The following AMPH variants were observed in gnomAD, a reference collection of about 807,000 sequenced individuals.
AMPH encodes amphiphysin (Stiff-Mann syndrome with breast cancer 128kD autoantigen).
AMPH carries 49 observed loss-of-function variants against 99.1 expected under a neutral mutation model. The ratio of observed to expected loss-of-function variants is 0.49; its 90% CI spans 0.39 to 0.63. The LOEUF (loss-of-function observed/expected upper bound fraction) is 0.63. Ranked by LOEUF, AMPH falls within the 20% of genes least tolerant of loss-of-function variation. The pLI, the probability that AMPH is intolerant of heterozygous loss-of-function variation, is 0.00. For missense variants in AMPH, 759 were observed against 863.4 expected (o/e 0.88, Z 1.52); for synonymous variants, 314 against 317.3 (o/e 0.99, Z 0.11).
At chr7:38,547,525 G>A (rs1475761531) in intron 1 of AMPH, among the ~76,000 whole-genome samples, 2 of 152,116 alleles carry the variant, frequency 1.3e-5, no homozygotes, top group African/African-American at 4.8e-5. Flanking sequence ...AGTTGACAAA[G>A]GATAATTATT....
chr7:38,407,013 A>C (rs1785030933), intron 17 of AMPH, among the ~76,000 whole-genome samples: 3 of 44,654 alleles, frequency 6.7e-5, no homozygotes, highest in African/African-American at 1.8e-4. Flanking sequence ...AATTTTCCCT[A>C]ATAGACTCCT....
At chr7:38,398,190 A>AAAAAC (rs1358833136) in intron 17 of AMPH, among the ~76,000 whole-genome samples, 2 of 149,618 alleles carry the variant, frequency 1.3e-5, no homozygotes, top group African/African-American at 5.0e-5. Context: ...CTCAAAAAAA[A>AAAAAC]AAAAACAAAA....
intron 1 of AMPH, among the ~76,000 whole-genome samples, chr7:38,581,318 T>C (rs2129055357): frequency 6.6e-6 from 1 of 152,276 alleles, no homozygotes; most frequent in East Asian, 1.9e-4. Flanking sequence ...GAGAAGCTGA[T>C]ATTTGAATAA....
At chr7:38,444,413 T>C (rs1020164118) in intron 11 of AMPH, among the ~76,000 whole-genome samples, 1 of 152,130 alleles carries the variant, frequency 6.6e-6, no homozygotes, top group African/African-American at 2.4e-5. Flanking sequence ...CCTAATCCAA[T>C]GACTGGTGGC....
At chr7:38,529,719 G>A (rs1052881186) in intron 2 of AMPH, among the ~76,000 whole-genome samples, 4 of 152,150 alleles carry the variant, frequency 2.6e-5, no homozygotes, top group Non-Finnish European at 5.9e-5. Flanking sequence ...CAAGGCAGTG[G>A]CTATCTCACA....
intron 1 of AMPH, among the ~76,000 whole-genome samples, chr7:38,602,295 G>C (rs1011047876): frequency 3.3e-5 from 5 of 152,124 alleles, no homozygotes; most frequent in African/African-American, 1.2e-4. Context: ...TTCTGTGTCT[G>C]TTTCCCATAG....
At position 38,596,589 on chromosome 7, in the gene AMPH, T is replaced by G. The variant is rs562984792; in HGVS notation, c.69+34694A>C. 2.0e-5 allele frequency among the ~76,000 whole-genome samples: 3 copies of G among 152,308 alleles called. No homozygotes were observed. In the South Asian group the frequency reaches 6.2e-4, roughly 32 times the overall value. On this transcript the variant is annotated intron_variant, in intron 1 of 20. Transcript: ENST00000356264. ...GCTTTCATGTTGTAATTCTATAATT[T>G]CATGTTTGCCTGATGCAGTCAAACA... is the stretch of plus-strand genomic sequence containing the variant.
At chr7:38,425,471 C>G (rs1456434292) in intron 15 of AMPH, among the ~76,000 whole-genome samples, 2 of 152,094 alleles carry the variant, frequency 1.3e-5, no homozygotes, top group Non-Finnish European at 2.9e-5. Flanking sequence ...AAATTAGACC[C>G]ACAATTTTTT....
chr7:38,433,507 C>T (rs1786121579), intron 12 of AMPH, among the ~76,000 whole-genome samples: 1 of 151,642 alleles, frequency 6.6e-6, no homozygotes, highest in African/African-American at 2.4e-5. Context: ...GGGCGGATCA[C>T]GAGGTCAGGA....
chr7:38,451,236 TA>T (rs1270202106), intron 11 of AMPH, among the ~76,000 whole-genome samples: 1 of 149,482 alleles, frequency 6.7e-6, no homozygotes, highest in Non-Finnish European at 1.5e-5. Context: ...GAGAGAGAAA[TA>T]ACCTTGCACA....
At chr7:38,534,316 A>G (rs995234741) in intron 2 of AMPH, among the ~76,000 whole-genome samples, 2 of 152,192 alleles carry the variant, frequency 1.3e-5, no homozygotes, top group Admixed American at 1.3e-4. Flanking sequence ...CTGCTTTTCT[A>G]ATGTTCAATG....
chr7:38,493,034 G>C (rs1263018605), intron 4 of AMPH, among the ~76,000 whole-genome samples: 1 of 152,178 alleles, frequency 6.6e-6, no homozygotes, highest in African/African-American at 2.4e-5. Flanking sequence ...GAAAGTTTTT[G>C]AAAGATGTAA....
At chr7:38,461,523 T>C (rs1486616655) in intron 10 of AMPH, 112 bp from the exon 11 acceptor site, 4 of 1,263,592 alleles carry the variant, frequency 3.2e-6, no homozygotes, top group Non-Finnish European at 4.5e-6. Flanking sequence ...TTGAAACTTG[T>C]ATCTGCATAT....
chr7:38,447,375 A>C (rs1237859068), intron 11 of AMPH, among the ~76,000 whole-genome samples: 1 of 152,186 alleles, frequency 6.6e-6, no homozygotes, highest in Non-Finnish European at 1.5e-5. Context: ...AAAATTAGTA[A>C]AAGTGAGTTT....
chr7:38,588,310 A>C (rs1332256731), intron 1 of AMPH, among the ~76,000 whole-genome samples: 1 of 152,044 alleles, frequency 6.6e-6, no homozygotes, highest in African/African-American at 2.4e-5. Flanking sequence ...TCTTATCCCA[A>C]ATAGTATTTT....
intron 1 of AMPH, among the ~76,000 whole-genome samples, chr7:38,563,977 A>AC (rs1791642049): frequency 6.6e-6 from 1 of 152,114 alleles, no homozygotes; most frequent in Non-Finnish European, 1.5e-5. Flanking sequence ...CCATGAATAG[A>AC]CCCCAACTGG....
At chr7:38,593,393 T>C (rs1253155329) in intron 1 of AMPH, among the ~76,000 whole-genome samples, 5 of 152,098 alleles carry the variant, frequency 3.3e-5, no homozygotes, top group Non-Finnish European at 7.4e-5. Context: ...CCCTACCAAA[T>C]GTACGTTTCA....
chr7:38,596,988 G>A (rs903961036), intron 1 of AMPH, among the ~76,000 whole-genome samples: 11 of 152,208 alleles, frequency 7.2e-5, no homozygotes, highest in East Asian at 1.9e-4. Flanking sequence ...CCTGCCGCCC[G>A]GCCCATAGCA....
intron 17 of AMPH, among the ~76,000 whole-genome samples, chr7:38,398,182 CAAAAAAAA>C (rs33972156): frequency 8.7e-6 from 1 of 114,772 alleles, no homozygotes; most frequent in African/African-American, 3.2e-5. Flanking sequence ...GGTATATACT[CAAAAAAAA>C]AAAAACAAAA....
Sources: allele counts gnomAD v4.1 joint callset (sites outside exome capture counted in the v4.1 genomes callset), GRCh38; gene constraint gnomAD v4.1.1; transcripts MANE v1.5; gene names NCBI Gene and HGNC (gene_info 2026-07-23, HGNC 2026-07-21).